The following LAPTM4B variants were observed in gnomAD, a reference collection of about 807,000 sequenced individuals.
LAPTM4B encodes the protein lysosomal protein transmembrane 4 beta, also known as lysosomal-associated transmembrane protein 4B.
In LAPTM4B, 26 loss-of-function variants were observed where a neutral mutation model predicts 28.5. The observed-to-expected ratio is 0.91, with a 90% CI of 0.67 to 1.27. The LOEUF is 1.27. Among genes scored for constraint, LAPTM4B ranks in the 50% most tolerant of loss-of-function variants. LAPTM4B has a pLI of 0.00. For synonymous variants in LAPTM4B, 109 were observed against 106.4 expected, an observed-to-expected ratio of 1.02 and a Z score of -0.15; for missense variants, 288 against 285.8, an observed-to-expected ratio of 1.01 and a Z score of -0.06.
At chr8:97,788,302 C>T (rs369951738) in intron 1 of LAPTM4B, 1 of 387,796 alleles carries the variant, frequency 2.6e-6, no homozygotes, top group South Asian at 2.4e-5. Context: ...GGGAATGGGA[C>T]ATTTTTGCTT....
intron 1 of LAPTM4B, among the ~76,000 whole-genome samples, chr8:97,795,878 A>G (rs1412578684): frequency 1.3e-5 from 2 of 148,300 alleles, no homozygotes; most frequent in Admixed American, 6.7e-5. Flanking sequence ...ACTAATTGGT[A>G]CTTTTGATCT....
In LAPTM4B at chr8:97,775,857, G is replaced by T. The variant is rs1444461462; in HGVS notation, c.-153G>T. The T allele has an allele frequency of 6.5e-7, 1 of 1,528,830 alleles. No homozygotes were observed. The highest frequency in any genetic ancestry group is 1.4e-5 in the African/African-American group (1 of 71,634). The allele number at this position is 1,528,830 out of a possible 1,614,324, so 94.7% of individuals were successfully genotyped here. Reference sequence around the variant, plus strand: ...CCCGGCAGAAGCTCGGAGCTCTCGGGGTATCGAGGAGGCAGGCCCGCGGGC... The same window carrying T: ...CCCGGCAGAAGCTCGGAGCTCTCGGTGTATCGAGGAGGCAGGCCCGCGGGC... On this transcript the variant is annotated 5_prime_UTR_variant, in exon 1 of 7. Coordinates refer to ENST00000521545, the MANE Select transcript of LAPTM4B (RefSeq NM_018407.6).
At chr8:97,831,369 G>A (rs2262489) in intron 6 of LAPTM4B, among the ~76,000 whole-genome samples, 1 of 151,938 alleles carries the variant, frequency 6.6e-6, no homozygotes, top group Non-Finnish European at 1.5e-5. Flanking sequence ...TTGCAGACTC[G>A]GAACATAGGT....
At chr8:97,839,227 T>C (rs892136868) in intron 6 of LAPTM4B, among the ~76,000 whole-genome samples, 1 of 152,196 alleles carries the variant, frequency 6.6e-6, no homozygotes, top group South Asian at 2.1e-4. Flanking sequence ...GGAGTTTTAC[T>C]CTTGTTGCCC....
intron 6 of LAPTM4B, among the ~76,000 whole-genome samples, chr8:97,846,850 G>C (rs1313779568): frequency 6.6e-6 from 1 of 152,172 alleles, no homozygotes; most frequent in Non-Finnish European, 1.5e-5. Flanking sequence ...ATGAGCTACT[G>C]TACCCAGCCA....
At position 97,780,101 on chromosome 8, in the gene LAPTM4B, C is replaced by T. The variant is rs1245922592; in HGVS notation, c.99+3993C>T. On this transcript the variant is annotated intron_variant, in intron 1 of 6. Coordinates refer to ENST00000521545, the MANE Select transcript of LAPTM4B (RefSeq NM_018407.6). ...AAAATAAAGAATAATAATAATAAAG[C>T]GGAGAGTTTTCAGACAAGGCAGATA... Among the ~76,000 whole-genome samples the T allele has an allele frequency of 7.5e-5, 11 of 147,238 alleles. No individual in the cohort carries two copies. In the South Asian group the frequency reaches 2.0e-3, roughly 26 times the overall value.
intron 6 of LAPTM4B, among the ~76,000 whole-genome samples, chr8:97,837,305 G>C (rs908299709): frequency 1.3e-5 from 2 of 149,012 alleles, no homozygotes; most frequent in Non-Finnish European, 3.0e-5. Context: ...TTATTCTCCT[G>C]TCTCAGCCTC....
chr8:97,811,949 G>C (rs13259176), intron 2 of LAPTM4B, among the ~76,000 whole-genome samples: 2 of 151,586 alleles, frequency 1.3e-5, no homozygotes, highest in Non-Finnish European at 2.9e-5. Context: ...GGGACCATAG[G>C]TGCGTACCAC....
At chr8:97,809,943 T>C (rs1271417715) in intron 2 of LAPTM4B, among the ~76,000 whole-genome samples, 1 of 152,126 alleles carries the variant, frequency 6.6e-6, no homozygotes, top group Non-Finnish European at 1.5e-5. Context: ...AAATTTATTT[T>C]TGAGGCTGGG....
intron 6 of LAPTM4B, among the ~76,000 whole-genome samples, chr8:97,849,944 T>C (rs942519213): frequency 2.0e-5 from 3 of 150,320 alleles, no homozygotes; most frequent in Non-Finnish European, 4.4e-5. Flanking sequence ...GAGCGGGCCG[T>C]GGCTCCCGGG....
At chr8:97,847,323 TA>T (rs2129859337) in intron 6 of LAPTM4B, among the ~76,000 whole-genome samples, 1 of 152,328 alleles carries the variant, frequency 6.6e-6, no homozygotes, top group East Asian at 1.9e-4. Flanking sequence ...GTTGCGGTTT[TA>T]AACTCTTGAG....
chr8:97,795,800 G>A (rs190097886), intron 1 of LAPTM4B, among the ~76,000 whole-genome samples: 46 of 141,682 alleles, frequency 3.2e-4, no homozygotes, highest in African/African-American at 1.2e-3. Flanking sequence ...TTGCCCCACT[G>A]CACTCCAGCC....
intron 6 of LAPTM4B, among the ~76,000 whole-genome samples, chr8:97,840,376 T>C (rs1371185917): frequency 6.6e-6 from 1 of 152,218 alleles, no homozygotes; most frequent in Non-Finnish European, 1.5e-5. Flanking sequence ...AGGATAATAA[T>C]GGCTCCCTCC....
intron 1 of LAPTM4B, 120 bp downstream of exon 1, chr8:97,776,228 A>G (rs1816211712): frequency 3.4e-6 from 4 of 1,188,056 alleles, no homozygotes; most frequent in Non-Finnish European, 3.3e-6. Flanking sequence ...GTATTATTAG[A>G]AACTTAATTC....
intron 6 of LAPTM4B, among the ~76,000 whole-genome samples, chr8:97,849,904 G>A (rs1367831402): frequency 6.7e-6 from 1 of 148,974 alleles, no homozygotes; most frequent in Non-Finnish European, 1.5e-5. Flanking sequence ...AGCGGAGACA[G>A]CGGTGGCAGC....
rs1482048199 is a variant in LAPTM4B at position 97,839,329 on chromosome 8, G to A, written c.604-12068G>A. On this transcript the variant is annotated intron_variant, in intron 6 of 6. Coordinates refer to ENST00000521545, the MANE Select transcript of LAPTM4B (RefSeq NM_018407.6). ...CTGCCTCAGCCTCCCGAGTAGCTGG[G>A]ATTACAGGCATGTGTTACCATGCCT... Among the ~76,000 whole-genome samples the A allele has an allele frequency of 2.6e-5, 4 of 152,216 alleles. No homozygotes were observed. In the South Asian group the frequency reaches 8.3e-4, roughly 32 times the overall value.
At chr8:97,784,046 A>G (rs1262265319) in intron 1 of LAPTM4B, among the ~76,000 whole-genome samples, 1 of 152,114 alleles carries the variant, frequency 6.6e-6, no homozygotes, top group African/African-American at 2.4e-5. Flanking sequence ...TTCAACAACT[A>G]TTGATTTGTC....
chr8:97,843,801 AAATAAATAAATAAATC>A (rs1167384600), intron 6 of LAPTM4B, among the ~76,000 whole-genome samples: 1 of 128,186 alleles, frequency 7.8e-6, no homozygotes, highest in African/African-American at 3.0e-5. Context: ...ATAAATAAAT[AAATAAATAAATAAATC>A]ATTTGCTTAC....
chr8:97,788,241 CT>C, intron 1 of LAPTM4B: 2 of 339,032 alleles, frequency 5.9e-6, no homozygotes, highest in South Asian at 3.1e-5. Context: ...CCAGTGTCTC[CT>C]TTTGGAGTTG....
Sources: gnomAD v4.1 joint callset for allele counts (sites outside exome capture counted in the v4.1 genomes callset) on GRCh38, gnomAD v4.1.1 for gene constraint, MANE v1.5 for transcripts, NCBI Gene and HGNC (gene_info 2026-07-23, HGNC 2026-07-21) for gene names.